The following AKR1B10 variants were observed in gnomAD, a reference collection of about 807,000 sequenced individuals.
AKR1B10 encodes the protein aldo-keto reductase family 1 member B10.
Under a neutral mutation model 38.9 loss-of-function variants are expected in AKR1B10, and 39 were observed. The ratio of observed to expected loss-of-function variants is 1.00; its 90% CI spans 0.78 to 1.31. AKR1B10 has a LOEUF of 1.31. Among genes scored for constraint, AKR1B10 ranks in the 50% most tolerant of loss-of-function variants. AKR1B10 has a pLI of 0.00. For synonymous variants in AKR1B10, 148 were observed against 141.2 expected (o/e 1.05, Z -0.34); for missense variants, 361 against 382.6 (o/e 0.94, Z 0.47).
chr7:134,539,053 G>T (rs772668705), intron 9 of AKR1B10, 36 bp downstream of exon 9: 1 of 1,612,240 alleles, frequency 6.2e-7, no homozygotes, highest in Admixed American at 1.7e-5. Context: ...GCATTGCCAG[G>T]AGTTTTTCTA....
chr7:134,527,886 C>T lies in AKR1B10; in HGVS notation c.-26C>T. 1 of 1,612,562 alleles carries T rather than the reference C, an allele frequency of 6.2e-7. No homozygotes were observed. Among genetic ancestry groups the T allele is most frequent in the Non-Finnish European group, 8.5e-7 (1 of 1,179,880 alleles). On this transcript the variant is annotated 5_prime_UTR_variant, in exon 1 of 10. Transcript: ENST00000359579. ...GCAGGACGTGAGACTTCTACCTGCT[C>T]ACTCAGAATCATTTCTGCACCAACC...
intron 2 of AKR1B10, 134 bp from the exon 3 acceptor site, chr7:134,531,774 G>C (rs1430139296): frequency 1.0e-6 from 1 of 977,208 alleles, no homozygotes; most frequent in African/African-American, 1.6e-5. Flanking sequence ...ACTGTGTCGT[G>C]GATCTTAATC....
chr7:134,537,984 T>TA (rs34306064), intron 7 of AKR1B10, among the ~76,000 whole-genome samples: 5 of 151,556 alleles, frequency 3.3e-5, no homozygotes, highest in Admixed American at 1.3e-4. Flanking sequence ...TCTTCATTCC[T>TA]AAAAAAGGAA....
chr7:134,537,276 C>T (rs1001961198), intron 6 of AKR1B10, 119 bp downstream of exon 6: 50 of 1,428,654 alleles, frequency 3.5e-5, no homozygotes, highest in African/African-American at 7.3e-5. Context: ...TAAGGTAACA[C>T]GTTTGGTACA....
In AKR1B10 at chr7:134,535,649, T is replaced by G. The variant is rs1807981750; in HGVS notation, c.430-1001T>G. On this transcript the variant is annotated intron_variant, in intron 4 of 9. Transcript: ENST00000359579. ...TTATACTCTACCTGAAGGACTCCCC[T>G]GACAACTGCGGGCTGTATGTATCTC... is the stretch of plus-strand genomic sequence containing the variant. 8.7e-6 allele frequency: 8 copies of G among 917,974 alleles called. No individual in the cohort carries two copies. The South Asian group carries it at 2.6e-4, about 30-fold the overall frequency. 56.9% of individuals were successfully genotyped at this position (917,974 alleles called of 1,614,324 possible). A position where few individuals can be genotyped will look rare whatever the true frequency, so the allele number is the denominator to read the frequency against.
intron 9 of AKR1B10, 137 bp downstream of exon 9, chr7:134,539,154 A>G: frequency 4.0e-6 from 4 of 1,009,914 alleles, no homozygotes; most frequent in Non-Finnish European, 5.9e-6. Context: ...GAAAGTTAAA[A>G]TTGGGGTACC....
At chr7:134,529,045 G>T (rs564147829) in intron 1 of AKR1B10, among the ~76,000 whole-genome samples, 1 of 152,116 alleles carries the variant, frequency 6.6e-6, no homozygotes, top group Non-Finnish European at 1.5e-5. Flanking sequence ...TGCCTTCTTT[G>T]CCATTTCCAT....
Position 134,530,801 on chromosome 7 carries a change from C to T in AKR1B10, c.225C>T (p.Ile75=), listed in dbSNP as rs186829500. The part of the protein sequence containing the change: ...EKAVKREDLF[I]VSKLWPTFFE... ...CTGTGAAGCGGGAGGACCTGTTCAT[C>T]GTCAGCAAGGTGCAATGGTGCATTT... Residue 75 remains isoleucine (I), a synonymous_variant, in exon 2 of 10, where the codon ATC becomes ATT. Coordinates refer to ENST00000359579, the MANE Select transcript of AKR1B10 (RefSeq NM_020299.5). The T allele has an allele frequency of 4.7e-5, 75 of 1,611,546 alleles. No individual in the cohort carries two copies. Among genetic ancestry groups the T allele is most frequent in the Admixed American group, 1.5e-4 (9 of 59,852 alleles).
chr7:134,541,187 A>G lies in AKR1B10; in HGVS notation c.*98A>G. The G allele has an allele frequency of 2.2e-6, 2 of 928,988 alleles. No individual in the cohort carries two copies. Among genetic ancestry groups the G allele is most frequent in the Non-Finnish European group, 3.3e-6 (2 of 598,770 alleles). 57.5% of individuals were successfully genotyped at this position (928,988 alleles called of 1,614,324 possible). On this transcript the variant is annotated 3_prime_UTR_variant, in exon 10 of 10. Transcript: ENST00000359579. ...CCCATTTTAGCCAAGCTTATTTAAG[A>G]TCACAGTGAACTTAGTCCTGTTATA...
In AKR1B10 at chr7:134,533,082, G is replaced by A; in HGVS notation, c.429+1G>A. 6.3e-7 allele frequency: 1 copy of A among 1,592,288 alleles called. No homozygotes were observed. Among genetic ancestry groups the A allele is most frequent in the Non-Finnish European group, 8.5e-7 (1 of 1,172,296 alleles). On this transcript the variant is annotated splice_donor_variant, in intron 4 of 9. Coordinates refer to ENST00000359579, the MANE Select transcript of AKR1B10 (RefSeq NM_020299.5). LOFTEE classifies it high-confidence loss of function. ...AGCAACGTTCTTGGATGCCTGGGAG[G>A]TAGGTTCCCAGCTTCCTCTAAGTGT...
At chr7:134,531,197 C>T (rs1807847176) in intron 2 of AKR1B10, among the ~76,000 whole-genome samples, 1 of 152,132 alleles carries the variant, frequency 6.6e-6, no homozygotes, top group Non-Finnish European at 1.5e-5. Flanking sequence ...CTGAGACTCT[C>T]AGCCAGGGGG....
chr7:134,534,379 C>T (rs1218533566), intron 4 of AKR1B10, among the ~76,000 whole-genome samples: 5 of 152,162 alleles, frequency 3.3e-5, no homozygotes, highest in African/African-American at 9.7e-5. Flanking sequence ...GTCTTGGCCT[C>T]CCAAAGTGCT....
intron 4 of AKR1B10, among the ~76,000 whole-genome samples, chr7:134,534,450 T>C (rs914444065): frequency 6.6e-6 from 1 of 152,222 alleles, no homozygotes; most frequent in East Asian, 1.9e-4. Context: ...AAGATTTTTT[T>C]ATCTTAACTC....
Position 134,532,017 on chromosome 7 carries a change from G to A in AKR1B10, c.344G>A (p.Gly115Glu). Residue 115 changes from glycine (G) to glutamate (E), a missense_variant, in exon 3 of 10, where the codon GGA (glycine) becomes GAA (glutamate). Physicochemically the swap from Gly to Glu is moderately conservative, Grantham distance 98. Around this residue, in one of 3 missense-constraint regions of AKR1B10, gnomAD observed 220 missense variants for 216.1 expected, o/e 1.02. Coordinates refer to ENST00000359579, the MANE Select transcript of AKR1B10 (RefSeq NM_020299.5). The stretch of plus-strand genomic sequence containing the variant: ...GTCTATCTTATTCACTGGCCACAGG[G>A]ATTCAAGGTTTAAGACACTCTCTTT... ...LDVYLIHWPQGFKSGDDLFPK... is the reference protein window; with the variant it reads ...LDVYLIHWPQEFKSGDDLFPK... The A allele has an allele frequency of 6.2e-7, 1 of 1,614,092 alleles. No individual in the cohort carries two copies. The highest frequency in any genetic ancestry group is 1.1e-5 in the South Asian group (1 of 91,076).
At chr7:134,530,586 AG>A (rs1807822272) in intron 1 of AKR1B10, 56 bp from the exon 2 acceptor site, 1 of 1,593,568 alleles carries the variant, frequency 6.3e-7, no homozygotes, top group African/African-American at 1.3e-5. Context: ...GCAACACGGC[AG>A]GGCCCCATCT....
rs769973390 is a variant in AKR1B10, at chr7:134,537,020, T to C, written c.553-31T>C. 5.8e-6 allele frequency: 9 copies of C among 1,563,592 alleles called. 1 individual carries two copies. Among genetic ancestry groups the C allele is most frequent in the Non-Finnish European group, 3.5e-6 (4 of 1,156,634 alleles). The stretch of plus-strand genomic sequence containing the variant: ...GAACAATGCAAAACAGAGCCGGCTT[T>C]CCCCGTGATGAGGATTGTTTGCTGT... On this transcript the variant is annotated intron_variant, in intron 5 of 9. Coordinates refer to ENST00000359579, the MANE Select transcript of AKR1B10 (RefSeq NM_020299.5).
At chr7:134,536,037 G>A (rs1489244916) in intron 4 of AKR1B10, among the ~76,000 whole-genome samples, 1 of 152,232 alleles carries the variant, frequency 6.6e-6, no homozygotes, top group Non-Finnish European at 1.5e-5. Flanking sequence ...CAAACAGTGG[G>A]TCAGGCTTCA....
chr7:134,536,406 G>A (rs774655143), intron 4 of AKR1B10, among the ~76,000 whole-genome samples: 4 of 152,310 alleles, frequency 2.6e-5, no homozygotes, highest in Non-Finnish European at 4.4e-5. Flanking sequence ...TGTAAGGTGA[G>A]AGTGGCAAGA....
chr7:134,539,434 A>G (rs955865928), intron 9 of AKR1B10, among the ~76,000 whole-genome samples: 3 of 152,176 alleles, frequency 2.0e-5, no homozygotes, highest in Admixed American at 6.5e-5. Context: ...CAAAATATAG[A>G]TGTCAGACAG....
Sources: gnomAD v4.1 joint callset for allele counts (sites outside exome capture counted in the v4.1 genomes callset) on GRCh38, gnomAD v4.1.1 for gene constraint, gnomAD v4.1.1 regional missense constraint, MANE v1.5 for transcripts, NCBI Gene and HGNC (gene_info 2026-07-23, HGNC 2026-07-21) for gene names.